Variants in TXNDC16 observed in about 807,000 individuals in gnomAD.
TXNDC16 encodes thioredoxin domain containing 16, also known as thioredoxin domain-containing protein 16.
In TXNDC16, 74 loss-of-function variants were observed where a neutral mutation model predicts 85.6. That is an observed-to-expected ratio of 0.86 (90% CI 0.72 to 1.05). The LOEUF is 1.05. Ranked by LOEUF, TXNDC16 falls within the 50% of genes least tolerant of loss-of-function variation. TXNDC16 has a pLI of 0.00. For missense variants in TXNDC16, 959 were observed against 947.0 expected, an observed-to-expected ratio of 1.01 and a Z score of -0.17; for synonymous variants, 335 against 326.5, an observed-to-expected ratio of 1.03 and a Z score of -0.28.
chr14:52,449,926 G>A (rs2035369314), intron 18 of TXNDC16, among the ~76,000 whole-genome samples: 1 of 151,794 alleles, frequency 6.6e-6, no homozygotes, highest in Non-Finnish European at 1.5e-5. Flanking sequence ...AAACCCTTGG[G>A]ATACACTGAA....
chr14:52,448,567 C>G (rs1161302684), intron 18 of TXNDC16, among the ~76,000 whole-genome samples: 3 of 152,010 alleles, frequency 2.0e-5, no homozygotes, highest in Non-Finnish European at 4.4e-5. Context: ...AAGAAAAGGA[C>G]ACTAATGAGC....
chr14:52,522,841 C>T lies in TXNDC16; in HGVS notation c.393-3548G>A, dbSNP rs145192384. ...ATAACTAAAAACCCTCAGCAATGCACTCTGTCTTGTTTAATTTTCATGGCA... is the reference window on the plus strand; with the variant it reads ...ATAACTAAAAACCCTCAGCAATGCATTCTGTCTTGTTTAATTTTCATGGCA... On this transcript the variant is annotated intron_variant, in intron 6 of 20. Transcript: ENST00000281741. Among the ~76,000 whole-genome samples, 1,035 of 152,286 alleles carry T rather than the reference C, an allele frequency of 6.8e-3. 4 individuals carry two copies. The highest frequency in any genetic ancestry group is 9.6e-3 in the Non-Finnish European group (656 of 68,018).
intron 3 of TXNDC16, 67 bp from the exon 4 acceptor site, chr14:52,542,520 AAC>A (rs1288521771): frequency 9.2e-6 from 10 of 1,091,246 alleles, no homozygotes; most frequent in African/African-American, 3.1e-5. Context: ...AAAATCTGCA[AAC>A]ACAGAATAGA....
intron 16 of TXNDC16, among the ~76,000 whole-genome samples, chr14:52,461,739 C>A (rs180959282): frequency 9.2e-5 from 14 of 152,358 alleles, no homozygotes; most frequent in Non-Finnish European, 1.3e-4. Flanking sequence ...AGGGGCCCTG[C>A]AGCAGGTGGC....
chr14:52,481,451 A>T (rs752626600), intron 14 of TXNDC16, among the ~76,000 whole-genome samples: 4 of 152,204 alleles, frequency 2.6e-5, no homozygotes, highest in Non-Finnish European at 5.9e-5. Context: ...GTTGTACATC[A>T]GTACATAGTT....
intron 5 of TXNDC16, among the ~76,000 whole-genome samples, chr14:52,537,023 A>T (rs1390557779): frequency 6.6e-6 from 1 of 151,924 alleles, no homozygotes; most frequent in East Asian, 1.9e-4. Context: ...GGCTAGAAAA[A>T]AATAGGAGTC....
At chr14:52,521,526 A>C (rs191136281) in intron 6 of TXNDC16, among the ~76,000 whole-genome samples, 1 of 152,290 alleles carries the variant, frequency 6.6e-6, no homozygotes, top group Admixed American at 6.5e-5. Context: ...CACATCATGT[A>C]GCCTCTAGAA....
intron 6 of TXNDC16, 21 bp from the exon 7 acceptor site, chr14:52,519,314 A>C: frequency 6.4e-7 from 1 of 1,555,572 alleles, no homozygotes; most frequent in Non-Finnish European, 8.8e-7. Context: ...TACAGATATA[A>C]TTAGTAGAAA....
chr14:52,508,719 T>C (rs943728963), intron 9 of TXNDC16, among the ~76,000 whole-genome samples: 1 of 152,204 alleles, frequency 6.6e-6, no homozygotes, highest in African/African-American at 2.4e-5. Context: ...ATATACACCA[T>C]GGAATACTAT....
At position 52,447,285 on chromosome 14, in the gene TXNDC16, G is replaced by A. The variant is rs2035307839; in HGVS notation, c.1843-6561C>T. ...AGTAGCCTGCCAGTACTCCCTGTGG[G>A]CCTGTGGTAGCAGTGGCCATGGGGT... is the stretch of plus-strand genomic sequence containing the variant. On this transcript the variant is annotated intron_variant, in intron 18 of 20. Coordinates refer to ENST00000281741, the MANE Select transcript of TXNDC16 (RefSeq NM_020784.3). 2.0e-5 allele frequency among the ~76,000 whole-genome samples: 3 copies of A among 152,156 alleles called. No homozygotes were observed. The South Asian group carries it at 6.2e-4, about 31-fold the overall frequency.
intron 14 of TXNDC16, among the ~76,000 whole-genome samples, chr14:52,477,320 C>T (rs962313088): frequency 2.0e-5 from 3 of 152,162 alleles, no homozygotes; most frequent in Admixed American, 2.0e-4. Context: ...TGGTATCTCA[C>T]ATCTCAATAC....
At chr14:52,460,415 G>GA (rs1253527517) in intron 16 of TXNDC16, among the ~76,000 whole-genome samples, 11 of 151,946 alleles carry the variant, frequency 7.2e-5, no homozygotes, top group Non-Finnish European at 1.0e-4. Flanking sequence ...CACAGAACTA[G>GA]AAAAAAAGTA....
intron 18 of TXNDC16, among the ~76,000 whole-genome samples, chr14:52,445,492 A>G (rs558898767): frequency 2.0e-5 from 3 of 152,230 alleles, no homozygotes; most frequent in Non-Finnish European, 4.4e-5. Flanking sequence ...GAGTCACTTC[A>G]GAAATGTAGA....
intron 16 of TXNDC16, among the ~76,000 whole-genome samples, chr14:52,460,425 A>T (rs2035626140): frequency 1.3e-5 from 2 of 152,182 alleles, no homozygotes. Flanking sequence ...GAAAAAAAGT[A>T]TTTCAAAAAT....
intron 17 of TXNDC16, 45 bp downstream of exon 17, chr14:52,457,045 T>C: frequency 7.8e-7 from 1 of 1,274,662 alleles, no homozygotes; most frequent in Non-Finnish European, 1.1e-6. Context: ...AACATTATTT[T>C]GCATAATTTC....
At chr14:52,489,862 G>T (rs889988944) in intron 11 of TXNDC16, among the ~76,000 whole-genome samples, 1 of 152,060 alleles carries the variant, frequency 6.6e-6, no homozygotes. Flanking sequence ...TTGAGACAGG[G>T]TCTGTCTCTG....
In TXNDC16 at chr14:52,431,262, G is replaced by C. The variant is rs1449513326; in HGVS notation, c.*1042C>G. The C allele has an allele frequency of 6.6e-6, 1 of 152,208 alleles. No homozygotes were observed. The highest frequency in any genetic ancestry group is 1.9e-4 in the East Asian group (1 of 5,188). 9.4% of individuals were successfully genotyped at this position (152,208 alleles called of 1,614,324 possible). ...TAGATTTCAGAGACGCTTCAGATGA[G>C]GGAGCCTCTCTTTCCATGAGGAGAT... On this transcript the variant is annotated 3_prime_UTR_variant, in exon 21 of 21. Coordinates refer to ENST00000281741, the MANE Select transcript of TXNDC16 (RefSeq NM_020784.3).
In TXNDC16 at chr14:52,432,262, C is replaced by T; in HGVS notation, c.*42G>A. ...TATTCTTTAAGGAAATAAATTAAGT[C>T]TATCATGCCAAAAAAATTTTGGAAA... is the stretch of plus-strand genomic sequence containing the variant. On this transcript the variant is annotated 3_prime_UTR_variant, in exon 21 of 21. Transcript: ENST00000281741. 2 of 1,529,524 alleles carry T rather than the reference C, an allele frequency of 1.3e-6. No individual in the cohort carries two copies. The highest frequency in any genetic ancestry group is 1.8e-6 in the Non-Finnish European group (2 of 1,141,294). 94.7% of individuals were successfully genotyped at this position (1,529,524 alleles called of 1,614,324 possible).
rs150611735 is a variant in TXNDC16, at chr14:52,467,351, A to C, written c.1618+2686T>G. ...AATGAGAGAAAATATTTACAAATCA[A>C]ATCTTTGATAAAGGATAATATCCAG... On this transcript the variant is annotated intron_variant, in intron 16 of 20. Transcript: ENST00000281741. 4.1e-3 allele frequency among the ~76,000 whole-genome samples: 626 copies of C among 152,312 alleles called. 6 individuals carry two copies. Among genetic ancestry groups the C allele is most frequent in the Non-Finnish European group, 7.0e-3 (477 of 68,030 alleles).
Sources: allele counts gnomAD v4.1 joint callset (sites outside exome capture counted in the v4.1 genomes callset), GRCh38; gene constraint gnomAD v4.1.1; transcripts MANE v1.5; gene names NCBI Gene and HGNC (gene_info 2026-07-23, HGNC 2026-07-21).